The following SLC24A3 variants were observed in gnomAD, a reference collection of about 807,000 sequenced individuals.
SLC24A3 encodes the protein sodium/potassium/calcium exchanger 3.
In SLC24A3, 28 loss-of-function variants were observed where a neutral mutation model predicts 75.8. The ratio of observed to expected loss-of-function variants is 0.37; its 90% confidence interval spans 0.27 to 0.51. The LOEUF is 0.51. Among genes scored for constraint, SLC24A3 ranks in the 20% least tolerant of loss-of-function variants. The pLI is 0.94. For synonymous variants in SLC24A3, 372 were observed against 334.1 expected (o/e 1.11, Z -1.24); for missense variants, 663 against 847.8 (o/e 0.78, Z 2.71).
At chr20:19,374,359 C>T (rs1411416149) in intron 2 of SLC24A3, among the ~76,000 whole-genome samples, 2 of 152,190 alleles carry the variant, frequency 1.3e-5, no homozygotes, top group Admixed American at 6.5e-5. Context: ...TGAGCTGGGA[C>T]ACCGGTGAAG....
intron 6 of SLC24A3, among the ~76,000 whole-genome samples, chr20:19,628,790 T>G (rs1400146152): frequency 1.3e-5 from 2 of 152,130 alleles, no homozygotes; most frequent in Non-Finnish European, 2.9e-5. Flanking sequence ...TGGGAAATTA[T>G]ACCTGTAGGC....
chr20:19,469,358 C>A (rs899398879), intron 2 of SLC24A3, among the ~76,000 whole-genome samples: 14 of 152,128 alleles, frequency 9.2e-5, no homozygotes, highest in Non-Finnish European at 1.3e-4. Context: ...ATATGCATTG[C>A]TTGAGTTTTC....
intron 2 of SLC24A3, among the ~76,000 whole-genome samples, chr20:19,456,337 G>A (rs896474402): frequency 1.3e-5 from 2 of 152,172 alleles, no homozygotes; most frequent in African/African-American, 4.8e-5. Context: ...AGAGATAATT[G>A]AATCGTGGGG....
chr20:19,537,250 T>G (rs1302083141), intron 3 of SLC24A3, among the ~76,000 whole-genome samples: 1 of 152,170 alleles, frequency 6.6e-6, no homozygotes, highest in Admixed American at 6.5e-5. Flanking sequence ...AGAAGATATT[T>G]ATGCAGCCAA....
chr20:19,285,230 C>T (rs558592951), intron 2 of SLC24A3, among the ~76,000 whole-genome samples: 2 of 152,272 alleles, frequency 1.3e-5, no homozygotes, highest in South Asian at 2.1e-4. Context: ...ATAATCCCAG[C>T]ACTTTGGGAG....
chr20:19,595,581 G>A (rs746361422), intron 6 of SLC24A3, among the ~76,000 whole-genome samples: 3 of 152,196 alleles, frequency 2.0e-5, no homozygotes, highest in Non-Finnish European at 4.4e-5. Context: ...TTGAGACACA[G>A]TCATGAAACC....
At chr20:19,701,342 G>A (rs764523846) in intron 15 of SLC24A3, among the ~76,000 whole-genome samples, 22 of 121,386 alleles carry the variant, frequency 1.8e-4, no homozygotes, top group South Asian at 6.7e-4. Flanking sequence ...GGTGCCCCCC[G>A]AAACATATTT....
chr20:19,576,590 C>T (rs939113322), intron 3 of SLC24A3, among the ~76,000 whole-genome samples: 2 of 152,108 alleles, frequency 1.3e-5, no homozygotes, highest in South Asian at 2.1e-4. Context: ...TGAGCATCCC[C>T]GCCTCATGCT....
chr20:19,279,268 T>G (rs1400056170), intron 1 of SLC24A3, among the ~76,000 whole-genome samples: 1 of 152,244 alleles, frequency 6.6e-6, no homozygotes, highest in Non-Finnish European at 1.5e-5. Context: ...GCCCATGGGT[T>G]AGGCCCACGT....
intron 2 of SLC24A3, among the ~76,000 whole-genome samples, chr20:19,411,855 G>C (rs1415961209): frequency 6.6e-6 from 1 of 152,184 alleles, no homozygotes. Context: ...CAAAATAGTT[G>C]ACAATTTTTT....
chr20:19,542,529 G>A (rs749848522), intron 3 of SLC24A3, among the ~76,000 whole-genome samples: 4 of 152,148 alleles, frequency 2.6e-5, no homozygotes, highest in Non-Finnish European at 5.9e-5. Context: ...ATGAACATTA[G>A]AGTATCAGTA....
chr20:19,537,307 C>A (rs1467756573), intron 3 of SLC24A3, among the ~76,000 whole-genome samples: 1 of 152,152 alleles, frequency 6.6e-6, no homozygotes, highest in Admixed American at 6.5e-5. Flanking sequence ...CAGAGAAATG[C>A]AAATCAAAAC....
At chr20:19,630,217 C>A (rs2122685619) in intron 6 of SLC24A3, among the ~76,000 whole-genome samples, 1 of 152,236 alleles carries the variant, frequency 6.6e-6, no homozygotes, top group Admixed American at 6.5e-5. Context: ...GGGAGATTGT[C>A]AAAGTTTAAA....
chr20:19,599,185 A>G (rs2031492098), intron 6 of SLC24A3, among the ~76,000 whole-genome samples: 2 of 152,228 alleles, frequency 1.3e-5, no homozygotes, highest in South Asian at 2.1e-4. Flanking sequence ...AGGATGCAGA[A>G]CAAGGCAATT....
intron 2 of SLC24A3, among the ~76,000 whole-genome samples, chr20:19,483,223 G>C (rs899647410): frequency 6.6e-6 from 1 of 152,150 alleles, no homozygotes; most frequent in Non-Finnish European, 1.5e-5. Flanking sequence ...GTCACCAATA[G>C]TTTTCCTCCT....
At chr20:19,231,642 A>G (rs1327833426) in intron 1 of SLC24A3, among the ~76,000 whole-genome samples, 1 of 152,226 alleles carries the variant, frequency 6.6e-6, no homozygotes, top group Non-Finnish European at 1.5e-5. Context: ...CTGCTGACAC[A>G]TTAAATTTAG....
chr20:19,562,223 G>T (rs940079769), intron 3 of SLC24A3, among the ~76,000 whole-genome samples: 1 of 152,144 alleles, frequency 6.6e-6, no homozygotes, highest in African/African-American at 2.4e-5. Context: ...GGCAGCATCT[G>T]CAAACTGCAA....
At chr20:19,424,826 A>G (rs1986977900) in intron 2 of SLC24A3, among the ~76,000 whole-genome samples, 1 of 151,470 alleles carries the variant, frequency 6.6e-6, no homozygotes, top group Non-Finnish European at 1.5e-5. Context: ...CCACAATGTC[A>G]CTGCTATTCT....
chr20:19,461,490 G>A (rs190634014), intron 2 of SLC24A3, among the ~76,000 whole-genome samples: 35 of 149,484 alleles, frequency 2.3e-4, no homozygotes, highest in East Asian at 1.4e-3. Context: ...CTTATTATTC[G>A]CCAGATACTT....
Sources: gnomAD v4.1 joint callset for allele counts (sites outside exome capture counted in the v4.1 genomes callset) on GRCh38, gnomAD v4.1.1 for gene constraint, MANE v1.5 for transcripts, NCBI Gene and HGNC (gene_info 2026-07-23, HGNC 2026-07-21) for gene names.